PBX1: variants seen among roughly 807,000 people sequenced by gnomAD.
PBX1 encodes the protein pre-B-cell leukemia transcription factor 1.
A neutral mutation model predicts 53.4 loss-of-function variants in PBX1; 6 were observed. The ratio of observed to expected loss-of-function variants is 0.11; its 90% CI spans 0.06 to 0.22. PBX1 has a LOEUF of 0.22. Ranked by LOEUF, PBX1 falls within the 10% of genes least tolerant of loss-of-function variation. The pLI is 1.00. For synonymous variants in PBX1, 204 were observed against 212.3 expected (o/e 0.96, Z 0.34); for missense variants, 251 against 551.4 (o/e 0.46, Z 5.46).
chr1:164,642,683 T>G (rs1336313193), intron 2 of PBX1: 1 of 152,200 alleles, frequency 6.6e-6, no homozygotes, highest in African/African-American at 2.4e-5. Context: ...ATGTGCTCTT[T>G]GCCTCACAGA....
intron 2 of PBX1, among the ~76,000 whole-genome samples, chr1:164,865,858 C>T (rs888561566): frequency 2.0e-5 from 3 of 152,148 alleles, no homozygotes; most frequent in African/African-American, 4.8e-5. Flanking sequence ...GAAATGGAGG[C>T]TCAGGAAATG....
rs528540633 is a variant in PBX1 at position 164,747,857 on chromosome 1, G to T, written c.266-44637G>T. On this transcript the variant is annotated intron_variant, in intron 2 of 8. Coordinates refer to ENST00000420696, the MANE Select transcript of PBX1 (RefSeq NM_002585.4). ...TGGGGCTAGACAGCTTTAGAATTTTGTTTAGATTGGAGGTTGAGAGCTAGA... is the reference window on the plus strand; with the variant it reads ...TGGGGCTAGACAGCTTTAGAATTTTTTTTAGATTGGAGGTTGAGAGCTAGA... Among the ~76,000 whole-genome samples the T allele has an allele frequency of 1.9e-3, 288 of 152,144 alleles. 1 individual carries two copies. The highest frequency in any genetic ancestry group is 3.3e-3 in the Non-Finnish European group (223 of 67,984).
chr1:164,625,825 G>T, intron 2 of PBX1: 83 of 421,900 alleles, frequency 2.0e-4, no homozygotes, highest in Non-Finnish European at 2.4e-4. Context: ...AAAAAAAAAA[G>T]AAAAAAAACA....
chr1:164,742,034 T>C (rs181068960), intron 2 of PBX1, among the ~76,000 whole-genome samples: 113 of 152,060 alleles, frequency 7.4e-4, no homozygotes, highest in Non-Finnish European at 1.5e-3. Flanking sequence ...AAACAAAAAA[T>C]ACCCATTATT....
chr1:164,879,582 G>A (rs1316689227), intron 2 of PBX1, among the ~76,000 whole-genome samples: 2 of 152,196 alleles, frequency 1.3e-5, no homozygotes, highest in African/African-American at 4.8e-5. Flanking sequence ...AATGAGGTCA[G>A]AGGTGAAGAT....
chr1:164,806,185 G>A (rs1488318396), intron 4 of PBX1, among the ~76,000 whole-genome samples: 1 of 152,148 alleles, frequency 6.6e-6, no homozygotes, highest in Non-Finnish European at 1.5e-5. Flanking sequence ...CCTGCATTGA[G>A]CCTGCAACTC....
At chr1:164,820,016 CG>C (rs1334042525) in intron 6 of PBX1, 55 bp from the exon 7 acceptor site, 13 of 1,002,702 alleles carry the variant, frequency 1.3e-5, no homozygotes, top group African/African-American at 6.5e-5. Flanking sequence ...CTGTTAGTTG[CG>C]GGGTTTGAGC....
At chr1:164,681,353 G>A (rs1037720216) in intron 2 of PBX1, among the ~76,000 whole-genome samples, 19 of 152,168 alleles carry the variant, frequency 1.2e-4, no homozygotes, top group African/African-American at 4.6e-4. Context: ...ATTTATACCT[G>A]TATATACATA....
At chr1:164,571,335 A>G (rs1182374626) in intron 2 of PBX1, among the ~76,000 whole-genome samples, 1 of 152,080 alleles carries the variant, frequency 6.6e-6, no homozygotes, top group Non-Finnish European at 1.5e-5. Flanking sequence ...CTTTTTACCA[A>G]TCAGTCCATA....
chr1:164,847,188 C>A lies in PBX1; in HGVS notation c.*512C>A. 2 of 1,081,756 alleles carry A rather than the reference C, an allele frequency of 1.8e-6. No homozygotes were observed. The highest frequency in any genetic ancestry group is 1.6e-5 in the African/African-American group (1 of 61,854). 67.0% of individuals were successfully genotyped at this position (1,081,756 alleles called of 1,614,324 possible). ...CTCACTACCTCTTAGCAGGAATACT[C>A]CACATTGCCCTATTCATTCCAGGCC... On this transcript the variant is annotated 3_prime_UTR_variant, in exon 9 of 9. Transcript: ENST00000420696.
chr1:164,685,506 C>A (rs543594340), intron 2 of PBX1, among the ~76,000 whole-genome samples: 1 of 152,282 alleles, frequency 6.6e-6, no homozygotes, highest in African/African-American at 2.4e-5. Flanking sequence ...CAGATTTCTG[C>A]TCCACTCGGT....
At chr1:164,866,135 T>C (rs1672210801) in intron 2 of PBX1, among the ~76,000 whole-genome samples, 2 of 152,230 alleles carry the variant, frequency 1.3e-5, no homozygotes, top group South Asian at 4.1e-4. Context: ...TTTAAATCTA[T>C]GTTTTAAAAC....
intron 8 of PBX1, 147 bp from the exon 9 acceptor site, chr1:164,846,437 C>T (rs766937610): frequency 1.9e-4 from 132 of 711,372 alleles, no homozygotes; most frequent in Non-Finnish European, 3.0e-4. Flanking sequence ...ATATTATCAC[C>T]CACAGTAATA....
rs567232508 is a variant in PBX1 at position 164,686,776 on chromosome 1, A to G, written c.266-105718A>G. On this transcript the variant is annotated intron_variant, in intron 2 of 8. Coordinates refer to ENST00000420696, the MANE Select transcript of PBX1 (RefSeq NM_002585.4). ...GATTGAGACCATCCTGGCTAACACG[A>G]TGAAACCCCGTCTCTACTAAAAATA... Among the ~76,000 whole-genome samples the G allele has an allele frequency of 4.6e-5, 7 of 151,854 alleles. No homozygotes were observed. The East Asian group carries it at 1.4e-3, about 30-fold the overall frequency.
chr1:164,707,418 T>TGTGAGAGAGA (rs58617739), intron 2 of PBX1, among the ~76,000 whole-genome samples: 18 of 118,204 alleles, frequency 1.5e-4, no homozygotes, highest in African/African-American at 6.5e-4. Flanking sequence ...TGTGTGTGTG[T>TGTGAGAGAGA]GAGAGAGAGA....
intron 2 of PBX1, among the ~76,000 whole-genome samples, chr1:164,867,854 A>G (rs1204053686): frequency 2.0e-5 from 3 of 152,228 alleles, no homozygotes; most frequent in Non-Finnish European, 4.4e-5. Context: ...TTTTGCAGGA[A>G]ATTAACTGTA....
chr1:164,832,179 T>C (rs971878036), intron 8 of PBX1, among the ~76,000 whole-genome samples: 7 of 152,142 alleles, frequency 4.6e-5, no homozygotes, highest in Admixed American at 1.3e-4. Flanking sequence ...TTAGGCCAAG[T>C]GAAGGGAATT....
At chr1:164,835,467 T>C (rs1670992490) in intron 8 of PBX1, among the ~76,000 whole-genome samples, 1 of 152,200 alleles carries the variant, frequency 6.6e-6, no homozygotes. Flanking sequence ...AGTTTCCATT[T>C]CCTCACACCC....
At chr1:164,629,004 T>C (rs1472660831) in intron 2 of PBX1, among the ~76,000 whole-genome samples, 2 of 152,188 alleles carry the variant, frequency 1.3e-5, no homozygotes, top group Non-Finnish European at 2.9e-5. Context: ...CAGGATGACA[T>C]CTCACGCAAG....
Sources: allele counts gnomAD v4.1 joint callset (sites outside exome capture counted in the v4.1 genomes callset), GRCh38; gene constraint gnomAD v4.1.1; transcripts MANE v1.5; gene names NCBI Gene and HGNC (gene_info 2026-07-23, HGNC 2026-07-21).